Variants in SLC5A8 observed in about 807,000 individuals in gnomAD.
The protein encoded by SLC5A8 is solute carrier family 5 member 8.
A neutral mutation model predicts 71.9 loss-of-function variants in SLC5A8; 55 were observed. The observed-to-expected ratio is 0.77, with a 90% CI of 0.62 to 0.96. The LOEUF is 0.96. SLC5A8 is among the 40% of genes least tolerant of loss of function. The pLI, the probability that SLC5A8 is intolerant of heterozygous loss-of-function variation, is 0.00. For missense variants in SLC5A8, 701 were observed against 745.3 expected (o/e 0.94, Z 0.69); for synonymous variants, 307 against 276.1 (o/e 1.11, Z -1.11).
At chr12:101,184,107 A>C in intron 8 of SLC5A8, 27 bp downstream of exon 8, 1 of 1,584,134 alleles carries the variant, frequency 6.3e-7, no homozygotes, top group Non-Finnish European at 8.6e-7. Flanking sequence ...CAGGGAAATC[A>C]TATGTTATTA....
At chr12:101,158,821 T>C (rs2051699755) in intron 13 of SLC5A8, among the ~76,000 whole-genome samples, 1 of 150,846 alleles carries the variant, frequency 6.6e-6, no homozygotes, top group African/African-American at 2.4e-5. Flanking sequence ...TTTCCCCACT[T>C]TGTTGGCTAC....
chr12:101,194,517 G>C (rs1194516726), intron 4 of SLC5A8, among the ~76,000 whole-genome samples: 2 of 152,242 alleles, frequency 1.3e-5, no homozygotes, highest in African/African-American at 4.8e-5. Flanking sequence ...CCAAGCGGGA[G>C]TGCGGTGGTG....
intron 3 of SLC5A8, among the ~76,000 whole-genome samples, chr12:101,200,704 T>C (rs969225371): frequency 4.6e-5 from 7 of 152,132 alleles, no homozygotes; most frequent in Non-Finnish European, 8.8e-5. Flanking sequence ...TGACATAACA[T>C]ATTTGCAGCA....
chr12:101,192,073 C>T (rs2712638), intron 5 of SLC5A8, among the ~76,000 whole-genome samples: 74,882 of 151,904 alleles, frequency 0.49, 20,006 homozygotes, highest in African/African-American at 0.7. Flanking sequence ...GGACTTCCCC[C>T]CTCCCTGTTC....
chr12:101,161,659 G>A (rs2051724429), intron 13 of SLC5A8, among the ~76,000 whole-genome samples: 1 of 152,016 alleles, frequency 6.6e-6, no homozygotes, highest in African/African-American at 2.4e-5. Context: ...TCTTATTTTT[G>A]TCTTACAGCA....
Position 101,166,596 on chromosome 12 carries a change from A to G in SLC5A8, c.1424T>C (p.Leu475Pro). Residue 475 changes from leucine (L) to proline (P), a missense_variant, in exon 12 of 15, where the codon CTT becomes CCT. By Grantham distance (98) the Leu-to-Pro change is moderately conservative. Transcript: ENST00000536262. Reference sequence around the variant, plus strand: ...GGTGCTGTTACAGCCTTGGATATCAAGGTGCAATGGCAATGTTCTCTCAGG... The same window carrying G: ...GGTGCTGTTACAGCCTTGGATATCAGGGTGCAATGGCAATGTTCTCTCAGG... ...PLPERTLPLH[L>P]DIQGCNSTYN... 2 of 1,614,060 alleles carry G rather than the reference A, an allele frequency of 1.2e-6. No individual in the cohort carries two copies. The highest frequency in any genetic ancestry group is 1.7e-6 in the Non-Finnish European group (2 of 1,179,962).
intron 7 of SLC5A8, among the ~76,000 whole-genome samples, chr12:101,185,735 C>T (rs1249782296): frequency 1.3e-5 from 2 of 152,050 alleles, no homozygotes; most frequent in African/African-American, 2.4e-5. Flanking sequence ...CCCACCACCA[C>T]GCCCGGCTAA....
chr12:101,173,853 C>T (rs558523291), intron 10 of SLC5A8, among the ~76,000 whole-genome samples: 2 of 152,330 alleles, frequency 1.3e-5, no homozygotes, highest in Admixed American at 6.5e-5. Flanking sequence ...AGGAGCAACC[C>T]TCCCACAGCA....
intron 10 of SLC5A8, among the ~76,000 whole-genome samples, chr12:101,177,061 A>G (rs1484012751): frequency 2.0e-5 from 3 of 152,048 alleles, no homozygotes; most frequent in African/African-American, 7.3e-5. Flanking sequence ...AATTACCAAT[A>G]TTAGGAATGG....
chr12:101,159,228 G>C (rs2051703473), intron 13 of SLC5A8, among the ~76,000 whole-genome samples: 1 of 151,732 alleles, frequency 6.6e-6, no homozygotes, highest in Non-Finnish European at 1.5e-5. Context: ...ACAAATACTA[G>C]ACTTTTAATT....
chr12:101,187,494 C>T lies in SLC5A8; in HGVS notation c.855G>A (p.Val285=), dbSNP rs1231090227. ...QAKLSLYINL[V]GLWAILTCSV... ...AGCATGTGAGGATTGCCCAGAGTCC[C>T]ACAAGATTGATGTAGAGAGACCTAA... The change falls in exon 7 of 15, where the codon GTG becomes GTA. Residue 285 remains valine, a synonymous_variant. Coordinates refer to ENST00000536262, the MANE Select transcript of SLC5A8 (RefSeq NM_145913.5). 5.6e-6 allele frequency: 9 copies of T among 1,613,192 alleles called. No individual in the cohort carries two copies. In the South Asian group the frequency reaches 8.8e-5, roughly 16 times the overall value.
chr12:101,188,911 C>A (rs1868777302), intron 6 of SLC5A8, among the ~76,000 whole-genome samples: 1 of 152,030 alleles, frequency 6.6e-6, no homozygotes, highest in Non-Finnish European at 1.5e-5. Flanking sequence ...TCAGATTGAC[C>A]ACTTATCAAC....
intron 6 of SLC5A8, among the ~76,000 whole-genome samples, chr12:101,189,251 A>G (rs1384302038): frequency 1.3e-5 from 2 of 152,172 alleles, no homozygotes; most frequent in African/African-American, 4.8e-5. Flanking sequence ...TATAAATTAC[A>G]TTCCTCCAAT....
chr12:101,171,256 T>C (rs2051827024), intron 10 of SLC5A8, among the ~76,000 whole-genome samples: 1 of 152,206 alleles, frequency 6.6e-6, no homozygotes, highest in African/African-American at 2.4e-5. Flanking sequence ...TGAGGTGACC[T>C]GGTCTCCTGG....
intron 12 of SLC5A8, 131 bp from the exon 13 acceptor site, chr12:101,162,208 C>G: frequency 1.6e-6 from 1 of 625,516 alleles, no homozygotes; most frequent in Non-Finnish European, 2.8e-6. Flanking sequence ...AACCTGCTGT[C>G]CTAATTTTAT....
chr12:101,174,616 G>A (rs2051862104), intron 10 of SLC5A8, among the ~76,000 whole-genome samples: 1 of 152,034 alleles, frequency 6.6e-6, no homozygotes. Context: ...TTTTTTCCTG[G>A]AAATCCCTGA....
chr12:101,195,899 G>A (rs1370078116), intron 3 of SLC5A8, among the ~76,000 whole-genome samples: 2 of 151,950 alleles, frequency 1.3e-5, no homozygotes, highest in Admixed American at 6.5e-5. Flanking sequence ...GTTTCACCAT[G>A]TTGGACAGGA....
intron 6 of SLC5A8, among the ~76,000 whole-genome samples, chr12:101,188,358 C>G (rs1868752360): frequency 6.6e-6 from 1 of 152,156 alleles, no homozygotes; most frequent in Non-Finnish European, 1.5e-5. Context: ...ATTTCTCTTG[C>G]TAAGATGGCT....
chr12:101,179,498 C>T (rs2051911894), intron 10 of SLC5A8, among the ~76,000 whole-genome samples: 1 of 152,138 alleles, frequency 6.6e-6, no homozygotes, highest in African/African-American at 2.4e-5. Context: ...TACGCAACAA[C>T]CTGGATGAAT....
Sources: gnomAD v4.1 joint callset for allele counts (sites outside exome capture counted in the v4.1 genomes callset) on GRCh38, gnomAD v4.1.1 for gene constraint, MANE v1.5 for transcripts, NCBI Gene and HGNC (gene_info 2026-07-23, HGNC 2026-07-21) for gene names.